GSG1L: variants seen among roughly 807,000 people sequenced by gnomAD.
GSG1L encodes the protein germ cell-specific gene 1-like protein.
GSG1L carries 24 observed loss-of-function variants against 42.1 expected under a neutral mutation model. That is an observed-to-expected ratio of 0.57 (90% confidence interval 0.41 to 0.80). The LOEUF is 0.80. Ranked by LOEUF, GSG1L falls within the 30% of genes least tolerant of loss-of-function variation. The pLI, the probability that GSG1L is intolerant of heterozygous loss-of-function variation, is 0.00. For missense variants in GSG1L, 445 were observed against 472.2 expected (o/e 0.94, Z 0.53); for synonymous variants, 215 against 203.5 (o/e 1.06, Z -0.48).
At chr16:27,829,563 T>C (rs538202469) in intron 4 of GSG1L, among the ~76,000 whole-genome samples, 4 of 152,236 alleles carry the variant, frequency 2.6e-5, no homozygotes, top group Non-Finnish European at 4.4e-5. Context: ...CTATTTGTTT[T>C]AAACACAGGG....
rs571895780 is a variant in GSG1L, at chr16:27,998,490, A to T, written c.350-35287T>A. 2.0e-5 allele frequency: 3 copies of T among 152,368 alleles called. 1 individual carries two copies. The highest frequency in any genetic ancestry group is 2.0e-4 in the Admixed American group (3 of 15,302). The allele number at this position is 152,368 out of a possible 1,614,324, so 9.4% of individuals were successfully genotyped here. ...GCTACCAAAGCATTTGTCACATCTC[A>T]TCAAACACAAGACCTCACCAGGCGC... is the stretch of plus-strand genomic sequence containing the variant. On this transcript the variant is annotated intron_variant, in intron 1 of 6. Coordinates refer to ENST00000447459, the MANE Select transcript of GSG1L (RefSeq NM_001109763.2).
chr16:27,908,651 G>A (rs2084347678), intron 2 of GSG1L, among the ~76,000 whole-genome samples: 1 of 152,176 alleles, frequency 6.6e-6, no homozygotes, highest in South Asian at 2.1e-4. Flanking sequence ...GGAAGGGCAA[G>A]AGAGAGCTAA....
chr16:27,822,612 T>A (rs1362410020), intron 5 of GSG1L, among the ~76,000 whole-genome samples: 1 of 151,978 alleles, frequency 6.6e-6, no homozygotes, highest in East Asian at 1.9e-4. Flanking sequence ...AGAGACAGGG[T>A]CTTGCTATGT....
chr16:27,897,080 T>C (rs2084200583), intron 2 of GSG1L, among the ~76,000 whole-genome samples: 1 of 152,174 alleles, frequency 6.6e-6, no homozygotes, highest in Non-Finnish European at 1.5e-5. Flanking sequence ...GCCAGGTTGG[T>C]CTCAAACTCC....
intron 5 of GSG1L, among the ~76,000 whole-genome samples, chr16:27,822,698 G>A (rs1036341029): frequency 2.0e-5 from 3 of 152,128 alleles, no homozygotes; most frequent in Non-Finnish European, 4.4e-5. Flanking sequence ...GACTACAGGC[G>A]TGAGCCACCG....
At chr16:27,992,567 C>T (rs2085468127) in intron 1 of GSG1L, among the ~76,000 whole-genome samples, 1 of 152,000 alleles carries the variant, frequency 6.6e-6, no homozygotes, top group Admixed American at 6.6e-5. Context: ...CCAGACATAC[C>T]ACTTCTGTTA....
intron 1 of GSG1L, among the ~76,000 whole-genome samples, chr16:28,053,456 G>A (rs1305848695): frequency 1.3e-5 from 2 of 152,200 alleles, no homozygotes; most frequent in East Asian, 3.9e-4. Flanking sequence ...GCTGCCAACT[G>A]GGAGGACAGA....
At position 27,796,295 on chromosome 16, in the gene GSG1L, C is replaced by T. The variant is rs75292516; in HGVS notation, c.899-4828G>A. Among the ~76,000 whole-genome samples the T allele has an allele frequency of 6.9e-3, 1,045 of 152,316 alleles. 8 individuals carry two copies. Among genetic ancestry groups the T allele is most frequent in the South Asian group, 0.011 (51 of 4,824 alleles). ...CTCTGCCCTCCAGAAAGAAAGGAAG[C>T]TTGAAGAGTGGTGGAAAATGAATCA... On this transcript the variant is annotated intron_variant, in intron 6 of 6. Coordinates refer to ENST00000447459, the MANE Select transcript of GSG1L (RefSeq NM_001109763.2).
chr16:27,870,105 C>T (rs1210836060), intron 3 of GSG1L, among the ~76,000 whole-genome samples: 1 of 148,366 alleles, frequency 6.7e-6, no homozygotes, highest in Non-Finnish European at 1.5e-5. Flanking sequence ...CTCCTTCCAT[C>T]TCTTCTCTCC....
chr16:27,818,838 A>T (rs999620896), intron 5 of GSG1L, among the ~76,000 whole-genome samples: 1 of 152,146 alleles, frequency 6.6e-6, no homozygotes, highest in African/African-American at 2.4e-5. Context: ...TCATCATGAT[A>T]TAAAACATTT....
chr16:27,942,948 G>GA (rs1217943709), intron 2 of GSG1L, among the ~76,000 whole-genome samples: 1 of 152,208 alleles, frequency 6.6e-6, no homozygotes, highest in Non-Finnish European at 1.5e-5. Flanking sequence ...GAGTATGCAT[G>GA]AAAATCACCC....
chr16:27,865,523 CTATA>C lies in GSG1L; in HGVS notation c.550+18959_550+18962del, dbSNP rs1172385916. Among the ~76,000 whole-genome samples, 370 of 58,156 alleles carry C rather than the reference CTATA, an allele frequency of 6.4e-3. 3 individuals carry two copies. The highest frequency in any genetic ancestry group is 8.9e-3 in the Non-Finnish European group (275 of 30,952). The allele number at this position is 58,156 out of a possible 152,430, so 38.2% of individuals were successfully genotyped here. A position where few individuals can be genotyped will look rare whatever the true frequency, so the allele number is the denominator to read the frequency against. On this transcript the variant is annotated intron_variant, in intron 3 of 6. Coordinates refer to ENST00000447459, the MANE Select transcript of GSG1L (RefSeq NM_001109763.2). ...CGCTTCTTTCTTTCTCTCTCTCTTT[CTATA>C]TATATATATATATATATATATATAT... is the stretch of plus-strand genomic sequence containing the variant.
intron 1 of GSG1L, among the ~76,000 whole-genome samples, chr16:28,009,374 CT>C (rs1463236185): frequency 2.6e-5 from 4 of 152,172 alleles, no homozygotes; most frequent in Non-Finnish European, 4.4e-5. Context: ...CCTGCCCCCC[CT>C]GCATGCCCTT....
chr16:27,979,684 A>AGAG (rs2085296030), intron 1 of GSG1L, among the ~76,000 whole-genome samples: 1 of 66,348 alleles, frequency 1.5e-5, no homozygotes, highest in Non-Finnish European at 3.2e-5. Context: ...AGAGAGAAAG[A>AGAG]AAGAAGGAAG....
In GSG1L at chr16:27,908,092, G is replaced by A. The variant is rs537213671; in HGVS notation, c.398-23454C>T. Reference sequence around the variant, plus strand: ...TGAGCTCAGCCATGGGACTTGCTTTGGCCAATGGGATGTTAGCGGATGAGA... The same window carrying A: ...TGAGCTCAGCCATGGGACTTGCTTTAGCCAATGGGATGTTAGCGGATGAGA... On this transcript the variant is annotated intron_variant, in intron 2 of 6. Coordinates refer to ENST00000447459, the MANE Select transcript of GSG1L (RefSeq NM_001109763.2). Among the ~76,000 whole-genome samples, 23 of 152,294 alleles carry A rather than the reference G, an allele frequency of 1.5e-4. 1 individual carries two copies. In the South Asian group the frequency reaches 4.6e-3, roughly 30 times the overall value.
Position 27,845,028 on chromosome 16 carries a change from G to A in GSG1L, c.584C>T (p.Thr195Met), listed in dbSNP as rs766515980. The change falls in exon 4 of 7, where the codon ACG (threonine) becomes ATG (methionine). Residue 195 changes from threonine (T) to methionine (M), a missense_variant. Transcript: ENST00000447459. ...GCTCACGGTGACCTGGAACACCTGC[G>A]TGTACATCATGTGGGCGACCATTCC... is the stretch of plus-strand genomic sequence containing the variant. ...LLGMVAHMMY[T>M]QVFQVTVSLG... 3 of 1,613,702 alleles carry A rather than the reference G, an allele frequency of 1.9e-6. No homozygotes were observed. The highest frequency in any genetic ancestry group is 2.5e-6 in the Non-Finnish European group (3 of 1,179,764).
intron 2 of GSG1L, among the ~76,000 whole-genome samples, chr16:27,929,519 A>G (rs1352967942): frequency 6.6e-6 from 1 of 152,148 alleles, no homozygotes. Flanking sequence ...CCTTCTGGAG[A>G]GAATCTGCCT....
chr16:28,027,632 T>C (rs1251459486), intron 1 of GSG1L, among the ~76,000 whole-genome samples: 2 of 152,188 alleles, frequency 1.3e-5, no homozygotes, highest in Non-Finnish European at 2.9e-5. Context: ...TGGGCACCTG[T>C]GTTCAGGTGA....
At chr16:27,955,019 A>G (rs2084988860) in intron 2 of GSG1L, among the ~76,000 whole-genome samples, 1 of 152,124 alleles carries the variant, frequency 6.6e-6, no homozygotes, top group African/African-American at 2.4e-5. Flanking sequence ...CCATTGGCCA[A>G]TATTCTCCCC....
Sources: gnomAD v4.1 joint callset for allele counts (sites outside exome capture counted in the v4.1 genomes callset) on GRCh38, gnomAD v4.1.1 for gene constraint, MANE v1.5 for transcripts, NCBI Gene and HGNC (gene_info 2026-07-23, HGNC 2026-07-21) for gene names.